Variants in TACC2 observed in about 807,000 individuals in gnomAD.
The protein encoded by TACC2 is transforming acidic coiled-coil-containing protein 2.
Under a neutral mutation model 227.3 loss-of-function variants are expected in TACC2, and 137 were observed. The observed-to-expected ratio is 0.60, with a 90% CI of 0.52 to 0.69. The LOEUF is 0.69. TACC2 is among the 30% of genes least tolerant of loss of function. The pLI is 0.00. For missense variants in TACC2, 3,470 were observed against 3,694.4 expected, an observed-to-expected ratio of 0.94 and a Z score of 1.57; for synonymous variants, 1,523 against 1,487.5, an observed-to-expected ratio of 1.02 and a Z score of -0.55.
intron 15 of TACC2, 134 bp from the exon 16 acceptor site, chr10:122,230,217 A>G (rs1355333577): frequency 1.4e-6 from 1 of 729,410 alleles, no homozygotes; most frequent in East Asian, 2.5e-5. Context: ...TTGTGAGAGA[A>G]AGGCGGAGCG....
Position 122,085,977 on chromosome 10 carries a change from C to T in TACC2, c.3477C>T (p.Leu1159=). ...KPGEATLSCG[L]LQTEHCLTSG... ...GAGAAGCTACTTTGAGTTGTGGCCT[C>T]CTTCAGACTGAGCACTGCCTTACCT... Residue 1159 remains leucine, a synonymous_variant, in exon 4 of 23, where the codon CTC becomes CTT. Coordinates refer to ENST00000369005, the MANE Select transcript of TACC2 (RefSeq NM_206862.4). 3 of 1,613,998 alleles carry T rather than the reference C, an allele frequency of 1.9e-6. No individual in the cohort carries two copies. Among genetic ancestry groups the T allele is most frequent in the Non-Finnish European group, 2.5e-6 (3 of 1,180,016 alleles).
chr10:122,094,710 T>G (rs1310068113), intron 5 of TACC2, among the ~76,000 whole-genome samples: 1 of 152,182 alleles, frequency 6.6e-6, no homozygotes, highest in Non-Finnish European at 1.5e-5. Context: ...GGCTTCTGGC[T>G]CTCCAGAGCT....
chr10:122,083,369 G>C lies in TACC2; in HGVS notation c.869G>C (p.Arg290Thr). The change falls in exon 4 of 23, where the codon AGA becomes ACA. Residue 290 changes from arginine to threonine, a missense_variant. Arg to Thr is a moderately conservative substitution (Grantham distance 71). This residue lies in a region of TACC2 where 405 missense variants were observed against 389.6 expected (regional missense o/e 1.04). Transcript: ENST00000369005. ...DPAPRASDRE[R>T]GQGEAPPQYL... ...GCCCCAAGAGCCTCAGACAGAGAAA[G>C]AGGCCAAGGGGAGGCGCCGCCTCAG... is the stretch of plus-strand genomic sequence containing the variant. 1 of 1,613,956 alleles carries C rather than the reference G, an allele frequency of 6.2e-7. No homozygotes were observed. Among genetic ancestry groups the C allele is most frequent in the Non-Finnish European group, 8.5e-7 (1 of 1,180,024 alleles).
chr10:122,063,250 C>T lies in TACC2; in HGVS notation c.146+12700C>T, dbSNP rs17102973. 6.0e-3 allele frequency among the ~76,000 whole-genome samples: 909 copies of T among 152,322 alleles called. 15 individuals carry two copies. Among genetic ancestry groups the T allele is most frequent in the African/African-American group, 0.021 (875 of 41,582 alleles). On this transcript the variant is annotated intron_variant, in intron 3 of 22. Transcript: ENST00000369005. ...TCTTACAGACAGAGCCCTGTATTTC[C>T]CAGGCGGCCTGCTCTGTTCCTTCCA...
Position 122,031,379 on chromosome 10 carries a change from C to G in TACC2, c.33+9365C>G, listed in dbSNP as rs190476856. Among the ~76,000 whole-genome samples the G allele has an allele frequency of 8.0e-5, 12 of 149,334 alleles. No homozygotes were observed. In the South Asian group the frequency reaches 1.7e-3, roughly 21 times the overall value. ...CAGGTCCAGCCTTCCATGCTTCTTC[C>G]GGCCAATGGTCTAGCCTCTTTTTTT... On this transcript the variant is annotated intron_variant, in intron 2 of 22. Transcript: ENST00000369005.
In TACC2 at chr10:122,210,539, G is replaced by A; in HGVS notation, c.6114G>A (p.Leu2038=). 6.2e-7 allele frequency: 1 copy of A among 1,614,152 alleles called. No homozygotes were observed. Among genetic ancestry groups the A allele is most frequent in the Non-Finnish European group, 8.5e-7 (1 of 1,180,034 alleles). Residue 2038 remains leucine, a synonymous_variant, in exon 9 of 23, where the codon TTG becomes TTA. Coordinates refer to ENST00000369005, the MANE Select transcript of TACC2 (RefSeq NM_206862.4). The surrounding 1 kb of genome is among the most constrained non-coding windows in gnomAD (Gnocchi z 4.6). ...TAGCCAGCAGTGGGACTTACAACTT[G>A]GACTTTGACAACATTGAGCTTGTGG... is the stretch of plus-strand genomic sequence containing the variant. ...KPIASSGTYN[L]DFDNIELVDT...
intron 1 of TACC2, among the ~76,000 whole-genome samples, chr10:122,011,478 C>G (rs565737444): frequency 1.3e-5 from 2 of 152,050 alleles, no homozygotes; most frequent in Admixed American, 6.6e-5. Flanking sequence ...TACAGGTGCA[C>G]GCCACCACGC....
intron 5 of TACC2, among the ~76,000 whole-genome samples, chr10:122,097,194 T>C (rs964896468): frequency 5.3e-5 from 8 of 152,052 alleles, no homozygotes; most frequent in Non-Finnish European, 1.0e-4. Context: ...CGTGGTGTGG[T>C]GGTACATGCC....
At chr10:122,238,078 CT>C (rs1564794384) in intron 18 of TACC2, 41 bp downstream of exon 18, 9 of 1,531,928 alleles carry the variant, frequency 5.9e-6, no homozygotes, top group East Asian at 2.2e-5. Flanking sequence ...CTGAGGGATA[CT>C]TACCTGTGGT....
chr10:122,007,702 C>G (rs979873553), intron 1 of TACC2, among the ~76,000 whole-genome samples: 4 of 152,148 alleles, frequency 2.6e-5, no homozygotes, highest in Non-Finnish European at 5.9e-5. Flanking sequence ...TTTCATAGAA[C>G]TCTAACTTTT....
intron 5 of TACC2, among the ~76,000 whole-genome samples, chr10:122,126,316 C>CTG (rs3037067): frequency 0.022 from 3,187 of 142,114 alleles, 96 homozygotes; most frequent in African/African-American, 0.063. Context: ...TAATCCAGAA[C>CTG]TGTGTGTGTG....
intron 18 of TACC2, among the ~76,000 whole-genome samples, chr10:122,240,961 T>A (rs193043407): frequency 1.3e-5 from 2 of 152,246 alleles, no homozygotes; most frequent in Non-Finnish European, 2.9e-5. Context: ...GAGATTTGTG[T>A]TCAGTGATGC....
At chr10:122,042,121 A>G (rs1020113711) in intron 2 of TACC2, among the ~76,000 whole-genome samples, 44 of 150,976 alleles carry the variant, frequency 2.9e-4, no homozygotes, top group Admixed American at 1.6e-3. Context: ...AACTTTTTGT[A>G]TTTTTAGTAG....
At chr10:122,198,156 C>T (rs1027080939) in intron 8 of TACC2, among the ~76,000 whole-genome samples, 4 of 152,206 alleles carry the variant, frequency 2.6e-5, no homozygotes, top group Admixed American at 6.5e-5. Flanking sequence ...GTCCTACCAG[C>T]GTGTCTGGGC....
In TACC2 at chr10:122,209,352, G is replaced by A. The variant is rs1034444462; in HGVS notation, c.5972-1045G>A. ...ACAGGCTTGCTGGTGGCCGTGGCTAGTATGAATATTTATGGAAGCCTCCGT... is the reference window on the plus strand; with the variant it reads ...ACAGGCTTGCTGGTGGCCGTGGCTAATATGAATATTTATGGAAGCCTCCGT... On this transcript the variant is annotated intron_variant, in intron 8 of 22. Transcript: ENST00000369005. This position sits in a 1 kb window ranked among gnomAD's most constrained non-coding sequence, Gnocchi z 4.5. Among the ~76,000 whole-genome samples the A allele has an allele frequency of 6.6e-6, 1 of 152,216 alleles. No individual in the cohort carries two copies. Among genetic ancestry groups the A allele is most frequent in the African/African-American group, 2.4e-5 (1 of 41,470 alleles).
chr10:122,107,504 G>T (rs575764441), intron 5 of TACC2, among the ~76,000 whole-genome samples: 1 of 151,984 alleles, frequency 6.6e-6, no homozygotes, highest in Non-Finnish European at 1.5e-5. Context: ...AAGGAGAATC[G>T]CTTGAACCTG....
At chr10:122,037,213 T>C (rs969415966) in intron 2 of TACC2, among the ~76,000 whole-genome samples, 3 of 152,222 alleles carry the variant, frequency 2.0e-5, no homozygotes, top group Non-Finnish European at 4.4e-5. Context: ...AAGGCCGGTG[T>C]GGCTGGAGAA....
chr10:122,242,663 A>T (rs1018798491), intron 19 of TACC2, among the ~76,000 whole-genome samples: 13 of 151,712 alleles, frequency 8.6e-5, no homozygotes, highest in Non-Finnish European at 7.4e-5. Context: ...CTTTTTTTTT[A>T]AATAATGAGA....
chr10:122,194,376 C>A lies in TACC2; in HGVS notation c.5835-664C>A, dbSNP rs2094500831. Among the ~76,000 whole-genome samples the A allele has an allele frequency of 6.6e-6, 1 of 152,172 alleles. No homozygotes were observed. The highest frequency in any genetic ancestry group is 6.5e-5 in the Admixed American group (1 of 15,284). Reference sequence around the variant, plus strand: ...CCTGCAGACCAGCGAGGGCCATTTTCACTGTGTCGGGGTTGGTGGCCGTGC... The same window carrying A: ...CCTGCAGACCAGCGAGGGCCATTTTAACTGTGTCGGGGTTGGTGGCCGTGC... On this transcript the variant is annotated intron_variant, in intron 7 of 22. Coordinates refer to ENST00000369005, the MANE Select transcript of TACC2 (RefSeq NM_206862.4). The surrounding 1 kb of genome is among the most constrained non-coding windows in gnomAD (Gnocchi z 4.4).
Sources: allele counts gnomAD v4.1 joint callset (sites outside exome capture counted in the v4.1 genomes callset), GRCh38; gene constraint gnomAD v4.1.1; regional missense constraint gnomAD v4.1.1; non-coding constraint Gnocchi (gnomAD v3.1); transcripts MANE v1.5; gene names NCBI Gene and HGNC (gene_info 2026-07-23, HGNC 2026-07-21).